Variants in AK8 observed in about 807,000 individuals in gnomAD.
The protein encoded by AK8 is ATP-AMP transphosphorylase 8.
In AK8, 44 loss-of-function variants were observed where a neutral mutation model predicts 54.6. The ratio of observed to expected loss-of-function variants is 0.81; its 90% CI spans 0.63 to 1.04. The LOEUF is 1.04. AK8 is among the 50% of genes least tolerant of loss of function. AK8 has a pLI of 0.00. For synonymous variants in AK8, 239 were observed against 245.6 expected (o/e 0.97, Z 0.25); for missense variants, 555 against 613.6 (o/e 0.90, Z 1.01).
Position 132,826,191 on chromosome 9 carries a change from A to G in AK8, c.757+663T>C, listed in dbSNP as rs1170658454. Among the ~76,000 whole-genome samples the G allele has an allele frequency of 6.6e-6, 1 of 152,162 alleles. No homozygotes were observed. The highest frequency in any genetic ancestry group is 1.9e-4 in the East Asian group (1 of 5,186). ...AGGGCACAAGTTTTGTTCCTATTTT[A>G]GCGATGCCAAAACTAGGGCTCCGAG... On this transcript the variant is annotated intron_variant, in intron 8 of 12. Coordinates refer to ENST00000298545, the MANE Select transcript of AK8 (RefSeq NM_152572.3). This position sits in a 1 kb window ranked among gnomAD's most constrained non-coding sequence, Gnocchi z 4.5.
At position 132,770,019 on chromosome 9, in the gene AK8, C is replaced by A. The variant is rs542180366; in HGVS notation, c.1121+22615G>T. On this transcript the variant is annotated intron_variant, in intron 11 of 12. Coordinates refer to ENST00000298545, the MANE Select transcript of AK8 (RefSeq NM_152572.3). The surrounding 1 kb of genome is among the most constrained non-coding windows in gnomAD (Gnocchi z 4.3). ...TGTTGAGCGGAGAGGGGGACTGCTCCCAGGGCTCCAGGCGAAGAGGGGCAT... is the reference window on the plus strand; with the variant it reads ...TGTTGAGCGGAGAGGGGGACTGCTCACAGGGCTCCAGGCGAAGAGGGGCAT... The A allele has an allele frequency of 6.6e-6, 1 of 152,112 alleles. No individual in the cohort carries two copies. The highest frequency in any genetic ancestry group is 2.1e-4 in the South Asian group (1 of 4,816). The allele number at this position is 152,112 out of a possible 1,614,324, so 9.4% of individuals were successfully genotyped here. A position where few individuals can be genotyped will look rare whatever the true frequency, so the allele number is the denominator to read the frequency against.
chr9:132,735,322 A>T (rs1225262058), intron 11 of AK8, among the ~76,000 whole-genome samples: 3 of 152,134 alleles, frequency 2.0e-5, no homozygotes, highest in Non-Finnish European at 2.9e-5. Context: ...CTAGAAACTG[A>T]GGGTGAAATT....
intron 10 of AK8, among the ~76,000 whole-genome samples, chr9:132,802,875 T>C (rs1840532163): frequency 6.6e-6 from 1 of 152,198 alleles, no homozygotes; most frequent in South Asian, 2.1e-4. Context: ...AAACTCAGCG[T>C]CATTTTATGC....
chr9:132,732,771 T>G (rs1049793749), intron 11 of AK8, among the ~76,000 whole-genome samples: 6 of 152,086 alleles, frequency 3.9e-5, no homozygotes, highest in African/African-American at 1.4e-4. Context: ...CTCAGGCACA[T>G]GAATATGTAT....
chr9:132,814,825 A>G, intron 9 of AK8, 98 bp from the exon 10 acceptor site: 1 of 1,015,612 alleles, frequency 9.8e-7, no homozygotes, highest in South Asian at 1.6e-5. Flanking sequence ...AGGGAAAAAA[A>G]AAAGGTCACT....
intron 10 of AK8, among the ~76,000 whole-genome samples, chr9:132,794,658 A>G (rs1383697520): frequency 6.6e-6 from 1 of 152,224 alleles, no homozygotes; most frequent in African/African-American, 2.4e-5. Flanking sequence ...CCTGCCTAGA[A>G]AGATGTCTGG....
intron 11 of AK8, among the ~76,000 whole-genome samples, chr9:132,754,472 T>C (rs889149053): frequency 6.6e-6 from 1 of 152,158 alleles, no homozygotes; most frequent in South Asian, 2.1e-4. Flanking sequence ...TCAGTAAGCA[T>C]GCAAATGAGA....
In AK8 at chr9:132,786,861, C is replaced by A. The variant is rs181468898; in HGVS notation, c.1121+5773G>T. ...AAAGGAAAAAAGCCTATCTCCCCATCCTCCTAACAAAATCAAATATGTCAT... is the reference window on the plus strand; with the variant it reads ...AAAGGAAAAAAGCCTATCTCCCCATACTCCTAACAAAATCAAATATGTCAT... On this transcript the variant is annotated intron_variant, in intron 11 of 12. Coordinates refer to ENST00000298545, the MANE Select transcript of AK8 (RefSeq NM_152572.3). Among the ~76,000 whole-genome samples the A allele has an allele frequency of 4.6e-5, 7 of 152,222 alleles. No homozygotes were observed. In the East Asian group the frequency reaches 1.4e-3, roughly 29 times the overall value.
At chr9:132,779,413 C>T (rs962477479) in intron 11 of AK8, among the ~76,000 whole-genome samples, 1 of 152,246 alleles carries the variant, frequency 6.6e-6, no homozygotes, top group African/African-American at 2.4e-5. Flanking sequence ...CCTCTGATTC[C>T]TGGGCTCAAG....
intron 5 of AK8, among the ~76,000 whole-genome samples, chr9:132,839,705 A>T (rs547595809): frequency 6.6e-6 from 1 of 152,212 alleles, no homozygotes; most frequent in Admixed American, 6.5e-5. Flanking sequence ...CACTGTGAAC[A>T]GAATGCAGAT....
chr9:132,854,698 A>C (rs769416428), intron 5 of AK8, among the ~76,000 whole-genome samples, 159 bp downstream of exon 5: 5 of 152,168 alleles, frequency 3.3e-5, no homozygotes, highest in African/African-American at 9.7e-5. Context: ...CTTTGACAAA[A>C]GCAAAATCCA....
At chr9:132,759,121 G>A (rs562909062) in intron 11 of AK8, among the ~76,000 whole-genome samples, 1 of 151,252 alleles carries the variant, frequency 6.6e-6, no homozygotes, top group South Asian at 2.1e-4. Flanking sequence ...GCTTGAACCT[G>A]GGAGGTCGAG....
intron 5 of AK8, among the ~76,000 whole-genome samples, chr9:132,834,182 TAA>T (rs1485711608): frequency 1.3e-5 from 2 of 152,348 alleles, no homozygotes; most frequent in African/African-American, 4.8e-5. Context: ...GAACGCGGCC[TAA>T]TGTGGTTTCC....
In AK8 at chr9:132,770,571, G is replaced by A. The variant is rs1838923566; in HGVS notation, c.1121+22063C>T. Among the ~76,000 whole-genome samples, 1 of 152,328 alleles carries A rather than the reference G, an allele frequency of 6.6e-6. No individual in the cohort carries two copies. The highest frequency in any genetic ancestry group is 3.4e-3 in the Middle Eastern group (1 of 294). On this transcript the variant is annotated intron_variant, in intron 11 of 12. Transcript: ENST00000298545. The surrounding 1 kb of genome is among the most constrained non-coding windows in gnomAD (Gnocchi z 4.3). ...CTGTAACCTGAGCAGCCCGCGTGAG[G>A]GTCAGTGGTGACTTCCGGGATTGAA... is the stretch of plus-strand genomic sequence containing the variant.
intron 11 of AK8, among the ~76,000 whole-genome samples, chr9:132,728,576 G>A (rs1021677767): frequency 2.6e-5 from 4 of 152,182 alleles, no homozygotes; most frequent in African/African-American, 7.2e-5. Context: ...GTACCCCAGC[G>A]TGGCAGCTGT....
At chr9:132,833,743 G>A (rs953982231) in intron 5 of AK8, among the ~76,000 whole-genome samples, 5 of 152,228 alleles carry the variant, frequency 3.3e-5, no homozygotes, top group Non-Finnish European at 7.3e-5. Context: ...AAGAAAAGAC[G>A]CCAGTCAGCC....
At chr9:132,816,313 C>T (rs1841326359) in intron 9 of AK8, among the ~76,000 whole-genome samples, 1 of 151,032 alleles carries the variant, frequency 6.6e-6, no homozygotes, top group Non-Finnish European at 1.5e-5. Context: ...GAGATTGGCA[C>T]CACTACACTC....
intron 4 of AK8, among the ~76,000 whole-genome samples, chr9:132,856,558 T>C (rs1564441644): frequency 6.6e-6 from 1 of 152,104 alleles, no homozygotes; most frequent in Non-Finnish European, 1.5e-5. Flanking sequence ...CATCCTCAGA[T>C]CCAGAGGAGG....
intron 2 of AK8, among the ~76,000 whole-genome samples, chr9:132,873,056 G>A (rs922485443): frequency 2.6e-5 from 4 of 152,012 alleles, no homozygotes; most frequent in Non-Finnish European, 5.9e-5. Context: ...CTCATGATCC[G>A]CCCACCTCGG....
Sources: gnomAD v4.1 joint callset for allele counts (sites outside exome capture counted in the v4.1 genomes callset) on GRCh38, gnomAD v4.1.1 for gene constraint, Gnocchi (gnomAD v3.1) non-coding constraint, MANE v1.5 for transcripts, NCBI Gene and HGNC (gene_info 2026-07-23, HGNC 2026-07-21) for gene names.